SRL: variants seen among roughly 807,000 people sequenced by gnomAD.
The protein encoded by SRL is sarcalumenin.
SRL carries 23 observed loss-of-function variants against 39.5 expected under a neutral mutation model. The ratio of observed to expected loss-of-function variants is 0.58; its 90% CI spans 0.42 to 0.82. The LOEUF is 0.82. Ranked by LOEUF, SRL falls within the 40% of genes least tolerant of loss-of-function variation. The pLI, the probability that SRL is intolerant of heterozygous loss-of-function variation, is 0.00. For synonymous variants in SRL, 272 were observed against 237.4 expected (o/e 1.15, Z -1.34); for missense variants, 592 against 607.8 (o/e 0.97, Z 0.27).
intron 5 of SRL, among the ~76,000 whole-genome samples, chr16:4,195,109 G>A (rs1311823921): frequency 2.0e-5 from 3 of 151,730 alleles, no homozygotes; most frequent in Non-Finnish European, 2.9e-5. Flanking sequence ...TGTCCAAGCT[G>A]GTCTAGAACA....
At chr16:4,212,823 G>A (rs1035831615) in intron 1 of SRL, among the ~76,000 whole-genome samples, 4 of 151,932 alleles carry the variant, frequency 2.6e-5, no homozygotes, top group African/African-American at 7.3e-5. Context: ...CAGCTTTCCA[G>A]CAGGTCCCAC....
chr16:4,192,982 G>T lies in SRL; in HGVS notation c.611-18C>A. 2 of 1,594,570 alleles carry T rather than the reference G, an allele frequency of 1.3e-6. No homozygotes were observed. The highest frequency in any genetic ancestry group is 1.1e-5 in the South Asian group (1 of 89,790). On this transcript the variant is annotated intron_variant, in intron 5 of 5. Transcript: ENST00000399609. The surrounding 1 kb of genome is among the most constrained non-coding windows in gnomAD (Gnocchi z 4.0). ...GGGGTAGCCTTTGGGAGACAGAAGT[G>T]AGAAGTCAAACTGAGTAGGCCTCCC...
intron 2 of SRL, 93 bp from the exon 3 acceptor site, chr16:4,203,354 C>G: frequency 2.0e-6 from 2 of 994,336 alleles, no homozygotes; most frequent in East Asian, 2.4e-5. Flanking sequence ...CAGGGCAGCT[C>G]CACCCCTGCC....
chr16:4,214,378 T>G, intron 1 of SRL, among the ~76,000 whole-genome samples: 1 of 150,592 alleles, frequency 6.6e-6, no homozygotes, highest in South Asian at 2.1e-4. Context: ...CTCTGACCAT[T>G]ACTCATACAC....
chr16:4,221,229 T>C (rs2052527121), intron 1 of SRL, among the ~76,000 whole-genome samples: 1 of 152,186 alleles, frequency 6.6e-6, no homozygotes, highest in East Asian at 1.9e-4. Context: ...TTTGTATTTT[T>C]AGTAGAGATG....
intron 1 of SRL, among the ~76,000 whole-genome samples, chr16:4,216,577 T>A (rs2052463021): frequency 6.6e-6 from 1 of 152,196 alleles, no homozygotes; most frequent in Non-Finnish European, 1.5e-5. Flanking sequence ...CAGCCACTAT[T>A]CACTTTAAAA....
chr16:4,206,963 CT>C (rs780706618), intron 1 of SRL: 83 of 455,642 alleles, frequency 1.8e-4, no homozygotes, highest in Non-Finnish European at 3.4e-4. Context: ...CTTCCTGGGG[CT>C]CCCCGCCTTC....
chr16:4,213,058 G>A (rs905841401), intron 1 of SRL, among the ~76,000 whole-genome samples: 3 of 152,086 alleles, frequency 2.0e-5, no homozygotes, highest in African/African-American at 4.8e-5. Flanking sequence ...GGCAGGGGTG[G>A]GACAGAGTCC....
At chr16:4,230,358 T>A (rs1038203073) in intron 1 of SRL, among the ~76,000 whole-genome samples, 2 of 149,746 alleles carry the variant, frequency 1.3e-5, no homozygotes, top group African/African-American at 4.9e-5. Flanking sequence ...AAAATTCATA[T>A]CCACCTAGAA....
intron 1 of SRL, chr16:4,207,363 C>T (rs898708659): frequency 2.0e-5 from 9 of 456,672 alleles, no homozygotes; most frequent in African/African-American, 1.6e-4. Context: ...GCCGGGCTCC[C>T]CCTGGTCCTC....
intron 1 of SRL, among the ~76,000 whole-genome samples, chr16:4,223,882 G>A (rs973331647): frequency 6.6e-6 from 1 of 152,138 alleles, no homozygotes; most frequent in Admixed American, 6.5e-5. Context: ...TCCTAGCTAC[G>A]ATCCACTTCC....
intron 1 of SRL, among the ~76,000 whole-genome samples, chr16:4,213,141 G>C (rs1178790855): frequency 6.6e-6 from 1 of 152,086 alleles, no homozygotes; most frequent in Non-Finnish European, 1.5e-5. Context: ...TGAAGTGCTA[G>C]GGTTCCATAG....
In SRL at chr16:4,190,981, T is replaced by C. The variant is rs1051204889; in HGVS notation, c.*1172A>G. The C allele has an allele frequency of 1.3e-5, 2 of 153,206 alleles. No homozygotes were observed. Among genetic ancestry groups the C allele is most frequent in the Admixed American group, 1.3e-4 (2 of 15,298 alleles). 9.5% of individuals were successfully genotyped at this position (153,206 alleles called of 1,614,324 possible). ...TAAGGAAAAGGAGCAAGGTCTCCACTGTCCTCTCTGAAACCCAGCGCCTTT... is the reference window on the plus strand; with the variant it reads ...TAAGGAAAAGGAGCAAGGTCTCCACCGTCCTCTCTGAAACCCAGCGCCTTT... On this transcript the variant is annotated 3_prime_UTR_variant, in exon 6 of 6. Coordinates refer to ENST00000399609, the MANE Select transcript of SRL (RefSeq NM_001098814.2).
In SRL at chr16:4,199,370, T is replaced by A. The variant is rs1480324750; in HGVS notation, c.260-1455A>T. Reference sequence around the variant, plus strand: ...TAGCTAACATATTCCCCATCTTTTTTTTTTTTTTTTTTTTTTTTTGAGACA... The same window carrying A: ...TAGCTAACATATTCCCCATCTTTTTATTTTTTTTTTTTTTTTTTTGAGACA... On this transcript the variant is annotated intron_variant, in intron 3 of 5. Transcript: ENST00000399609. Among the ~76,000 whole-genome samples, 123 of 98,654 alleles carry A rather than the reference T, an allele frequency of 1.2e-3. 1 individual carries two copies. Among genetic ancestry groups the A allele is most frequent in the African/African-American group, 9.7e-3 (113 of 11,678 alleles). 64.7% of individuals were successfully genotyped at this position (98,654 alleles called of 152,430 possible).
intron 3 of SRL, among the ~76,000 whole-genome samples, chr16:4,199,750 G>A (rs1344955497): frequency 5.9e-5 from 8 of 135,484 alleles, no homozygotes; most frequent in Non-Finnish European, 1.2e-4. Flanking sequence ...AGGCTAGAGT[G>A]CAGTGGCACA....
At chr16:4,231,815 A>C (rs2052662460) in intron 1 of SRL, among the ~76,000 whole-genome samples, 1 of 152,208 alleles carries the variant, frequency 6.6e-6, no homozygotes, top group African/African-American at 2.4e-5. Context: ...TACTCACAAG[A>C]GTGATAACCT....
rs373154234 is a variant in SRL at position 4,203,250 on chromosome 16, G to A, written c.175C>T (p.Arg59Trp). The A allele has an allele frequency of 6.8e-6, 11 of 1,613,876 alleles. No individual in the cohort carries two copies. The highest frequency in any genetic ancestry group is 4.5e-5 in the East Asian group (2 of 44,900). The change falls in exon 3 of 6, where the codon CGG becomes TGG. Residue 59 changes from arginine to tryptophan, a missense_variant. Coordinates refer to ENST00000399609, the MANE Select transcript of SRL (RefSeq NM_001098814.2). ...PSDDYSAVLQ[R>W]LRKIYHSSIK... ...GATGAGTGGTAGATCTTCCGAAGCCGCTGCAGCACCGCTGGAGACAGAGAG... is the reference window on the plus strand; with the variant it reads ...GATGAGTGGTAGATCTTCCGAAGCCACTGCAGCACCGCTGGAGACAGAGAG...
At chr16:4,234,540 G>T (rs961633077) in intron 1 of SRL, among the ~76,000 whole-genome samples, 3 of 152,168 alleles carry the variant, frequency 2.0e-5, no homozygotes, top group Admixed American at 2.0e-4. Context: ...AAAATAGATG[G>T]AACAGGACTT....
At chr16:4,221,912 T>C (rs376735712) in intron 1 of SRL, among the ~76,000 whole-genome samples, 12 of 152,326 alleles carry the variant, frequency 7.9e-5, no homozygotes, top group African/African-American at 2.4e-4. Context: ...TCTGTGTCTT[T>C]TCTCTTCCCA....
Sources: gnomAD v4.1 joint callset for allele counts (sites outside exome capture counted in the v4.1 genomes callset) on GRCh38, gnomAD v4.1.1 for gene constraint, Gnocchi (gnomAD v3.1) non-coding constraint, MANE v1.5 for transcripts, NCBI Gene and HGNC (gene_info 2026-07-23, HGNC 2026-07-21) for gene names.